FGD5: variants seen among roughly 807,000 people sequenced by gnomAD.
FGD5 encodes the protein FYVE, RhoGEF and PH domain containing 5.
Under a neutral mutation model 133.4 loss-of-function variants are expected in FGD5, and 28 were observed. That is an observed-to-expected ratio of 0.21 (90% CI 0.16 to 0.29). The LOEUF is 0.29. FGD5 is among the 10% of genes least tolerant of loss of function. The pLI is 1.00. For missense variants in FGD5, 1,858 were observed against 1,895.2 expected (o/e 0.98, Z 0.36); for synonymous variants, 810 against 776.5 (o/e 1.04, Z -0.72).
intron 2 of FGD5, among the ~76,000 whole-genome samples, chr3:14,871,471 T>A (rs983867278): frequency 6.6e-6 from 1 of 152,112 alleles, no homozygotes; most frequent in Admixed American, 6.6e-5. Context: ...GAGCTGGGAG[T>A]CCAACCTGCA....
chr3:14,817,482 C>G (rs2036388647), upstream of FGD5, among the ~76,000 whole-genome samples: 1 of 152,180 alleles, frequency 6.6e-6, no homozygotes, highest in Non-Finnish European at 1.5e-5. Flanking sequence ...ATGTGTGAGC[C>G]ACTGCACCCA....
At chr3:14,885,516 C>T (rs767236438) in intron 4 of FGD5, among the ~76,000 whole-genome samples, 3 of 152,200 alleles carry the variant, frequency 2.0e-5, no homozygotes, top group African/African-American at 4.8e-5. Context: ...GAGTTGGTCA[C>T]GTCCCACGGG....
chr3:14,901,389 C>T (rs1464044284), intron 9 of FGD5, among the ~76,000 whole-genome samples: 1 of 152,232 alleles, frequency 6.6e-6, no homozygotes, highest in Non-Finnish European at 1.5e-5. Context: ...AGAGCTTCTG[C>T]ATGTAGGATC....
chr3:14,815,359 A>G (rs893229067), upstream of FGD5, among the ~76,000 whole-genome samples: 2 of 152,140 alleles, frequency 1.3e-5, no homozygotes, highest in Non-Finnish European at 2.9e-5. Context: ...CGCAAAAAAA[A>G]AAAAAATACT....
chr3:14,844,217 A>AAAAAAAT (rs1559477363), intron 1 of FGD5, among the ~76,000 whole-genome samples: 2 of 20,384 alleles, frequency 9.8e-5, no homozygotes, highest in Non-Finnish European at 8.5e-5. Flanking sequence ...AAAAAAAAAA[A>AAAAAAAT]ATATATATAT....
intron 9 of FGD5, 101 bp downstream of exon 9, chr3:14,901,162 G>A: frequency 7.8e-7 from 1 of 1,285,584 alleles, no homozygotes; most frequent in Non-Finnish European, 1.1e-6. Flanking sequence ...GGGGCTGCAG[G>A]CAACCGTCTC....
chr3:14,872,279 G>A (rs2037625975), intron 2 of FGD5, among the ~76,000 whole-genome samples: 1 of 151,922 alleles, frequency 6.6e-6, no homozygotes, highest in Non-Finnish European at 1.5e-5. Context: ...AATGTTGTAT[G>A]TCACACTTTA....
At chr3:14,825,817 A>G (rs1259532692) in intron 1 of FGD5, among the ~76,000 whole-genome samples, 1 of 152,212 alleles carries the variant, frequency 6.6e-6, no homozygotes, top group Non-Finnish European at 1.5e-5. Flanking sequence ...TGGGGAACCC[A>G]GTCTTCACCT....
intron 1 of FGD5, among the ~76,000 whole-genome samples, chr3:14,858,330 C>G (rs1575212522): frequency 7.7e-6 from 1 of 130,214 alleles, no homozygotes; most frequent in East Asian, 2.9e-4. Flanking sequence ...GGTCAGATGT[C>G]CAGTGTCCTG....
intron 2 of FGD5, among the ~76,000 whole-genome samples, chr3:14,869,206 A>G (rs987653938): frequency 4.6e-5 from 7 of 152,148 alleles, no homozygotes; most frequent in Non-Finnish European, 1.0e-4. Context: ...AGGCAGGAGA[A>G]TTGCTTGAAT....
At chr3:14,872,375 A>G (rs1689569) in intron 2 of FGD5, among the ~76,000 whole-genome samples, 21,902 of 152,176 alleles carry the variant, frequency 0.14, 1,910 homozygotes, top group East Asian at 0.39. Context: ...TGGAGAAGAG[A>G]CTTTATTTCT....
chr3:14,818,988 A>G lies in FGD5; in HGVS notation c.-84A>G, dbSNP rs2036426038. The G allele has an allele frequency of 4.8e-6, 7 of 1,453,640 alleles. No homozygotes were observed. Among genetic ancestry groups the G allele is most frequent in the Middle Eastern group, 2.5e-4 (1 of 3,928 alleles). The allele number at this position is 1,453,640 out of a possible 1,614,324, so 90.0% of individuals were successfully genotyped here. ...AAAACCACCTGTCGCTCCCAAGCCA[A>G]AGACTACCAGTCCACTGACGCCAGT... is the stretch of plus-strand genomic sequence containing the variant. On this transcript the variant is annotated 5_prime_UTR_variant, in exon 1 of 20. Transcript: ENST00000285046.
chr3:14,918,696 C>A (rs942766709), intron 12 of FGD5, 58 bp from the exon 13 acceptor site: 4 of 1,543,470 alleles, frequency 2.6e-6, no homozygotes, highest in East Asian at 2.2e-5. Context: ...CAGGAGAAGC[C>A]GGTCTACACT....
intron 7 of FGD5, among the ~76,000 whole-genome samples, chr3:14,899,382 C>T (rs1198949769): frequency 6.6e-6 from 1 of 152,106 alleles, no homozygotes; most frequent in Admixed American, 6.5e-5. Context: ...CTCTTTATGC[C>T]CTTTCCCCTA....
chr3:14,855,857 C>T (rs1481681640), intron 1 of FGD5, among the ~76,000 whole-genome samples: 1 of 152,110 alleles, frequency 6.6e-6, no homozygotes, highest in Non-Finnish European at 1.5e-5. Context: ...ATTTCCTTTG[C>T]TGTACAGATG....
At position 14,819,349 on chromosome 3, in the gene FGD5, A is replaced by G; in HGVS notation, c.278A>G (p.Glu93Gly). ...GGGAACAAAGCCCTGGTGTCTCCCG[A>G]GTCCTCTGCGGAAGAGGAAGAGGAG... Reference protein sequence around the residue: ...SVGNKALVSPESSAEEEEERE... With the variant: ...SVGNKALVSPGSSAEEEEERE... The change falls in exon 1 of 20, where the codon GAG becomes GGG. Residue 93 changes from glutamate (E) to glycine (G), a missense_variant. Transcript: ENST00000285046. The surrounding 1 kb of genome is among the most constrained non-coding windows in gnomAD (Gnocchi z 4.1). The G allele has an allele frequency of 9.0e-6, 14 of 1,547,634 alleles. No individual in the cohort carries two copies. The highest frequency in any genetic ancestry group is 1.1e-5 in the Non-Finnish European group (13 of 1,144,960).
chr3:14,884,511 T>G (rs1005340444), intron 4 of FGD5, among the ~76,000 whole-genome samples: 20 of 152,338 alleles, frequency 1.3e-4, no homozygotes, highest in African/African-American at 4.8e-4. Flanking sequence ...TGCTCTTCCC[T>G]CTGCTGGAAG....
chr3:14,888,352 G>T (rs1016755999), intron 4 of FGD5, among the ~76,000 whole-genome samples: 2 of 152,178 alleles, frequency 1.3e-5, no homozygotes, highest in Non-Finnish European at 2.9e-5. Context: ...GGAGGTAACA[G>T]AAACATACAG....
At chr3:14,912,845 G>T (rs2038477343) in intron 11 of FGD5, among the ~76,000 whole-genome samples, 1 of 152,100 alleles carries the variant, frequency 6.6e-6, no homozygotes, top group Non-Finnish European at 1.5e-5. Flanking sequence ...GACCAGCCTG[G>T]TGAACATGGT....
Sources: gnomAD v4.1 joint callset for allele counts (sites outside exome capture counted in the v4.1 genomes callset) on GRCh38, gnomAD v4.1.1 for gene constraint, Gnocchi (gnomAD v3.1) non-coding constraint, MANE v1.5 for transcripts, NCBI Gene and HGNC (gene_info 2026-07-23, HGNC 2026-07-21) for gene names.